MYO3B: variants seen among roughly 807,000 people sequenced by gnomAD.
The protein encoded by MYO3B is myosin IIIB, also known as myosin-IIIb.
Under a neutral mutation model 174.6 loss-of-function variants are expected in MYO3B, and 156 were observed. The ratio of observed to expected loss-of-function variants is 0.89; its 90% confidence interval spans 0.78 to 1.02. The LOEUF (loss-of-function observed/expected upper bound fraction) is 1.02, where lower values mean the gene tolerates loss of function less well. Ranked by LOEUF, MYO3B falls within the 50% of genes least tolerant of loss-of-function variation. MYO3B has a pLI of 0.00. For synonymous variants in MYO3B, 563 were observed against 569.1 expected, an observed-to-expected ratio of 0.99 and a Z score of 0.15; for missense variants, 1,632 against 1,639.4, an observed-to-expected ratio of 1.00 and a Z score of 0.08.
intron 25 of MYO3B, among the ~76,000 whole-genome samples, chr2:170,486,827 C>T (rs1351591748): frequency 6.6e-6 from 1 of 152,188 alleles, no homozygotes; most frequent in African/African-American, 2.4e-5. Context: ...TCATGTCCTT[C>T]ATAACCCTGA....
intron 8 of MYO3B, among the ~76,000 whole-genome samples, chr2:170,345,928 A>G (rs902071313): frequency 6.6e-6 from 1 of 151,980 alleles, no homozygotes; most frequent in African/African-American, 2.4e-5. Flanking sequence ...ATCCTTCCCT[A>G]GTACTTCCAG....
intron 32 of MYO3B, among the ~76,000 whole-genome samples, chr2:170,588,179 C>T (rs902051147): frequency 6.6e-6 from 1 of 152,062 alleles, no homozygotes; most frequent in African/African-American, 2.4e-5. Context: ...CTTCTGTAAT[C>T]CTAGCCCTTT....
intron 33 of MYO3B, among the ~76,000 whole-genome samples, 160 bp from the exon 34 acceptor site, chr2:170,651,948 A>T (rs1249277091): frequency 1.5e-5 from 2 of 136,910 alleles, no homozygotes; most frequent in Admixed American, 1.6e-4. Flanking sequence ...AGCAAGATGC[A>T]TGCTTCATCA....
At chr2:170,213,906 C>A (rs887461318) in intron 3 of MYO3B, among the ~76,000 whole-genome samples, 1 of 152,168 alleles carries the variant, frequency 6.6e-6, no homozygotes, top group Non-Finnish European at 1.5e-5. Flanking sequence ...CTGGAGAAAT[C>A]ACTGAAATTT....
intron 32 of MYO3B, among the ~76,000 whole-genome samples, chr2:170,565,697 C>T (rs1343502506): frequency 1.3e-5 from 2 of 152,078 alleles, no homozygotes; most frequent in Admixed American, 6.5e-5. Flanking sequence ...TTTATATAGT[C>T]AAATTCATTG....
chr2:170,379,449 G>C (rs532635635), intron 9 of MYO3B, among the ~76,000 whole-genome samples: 1 of 152,208 alleles, frequency 6.6e-6, no homozygotes, highest in East Asian at 1.9e-4. Flanking sequence ...CGCCTTGGCC[G>C]CCCAAAGTGC....
At chr2:170,521,714 C>T (rs79627526) in intron 30 of MYO3B, among the ~76,000 whole-genome samples, 1 of 151,932 alleles carries the variant, frequency 6.6e-6, no homozygotes, top group African/African-American at 2.4e-5. Context: ...GCTTATACCT[C>T]CCCCCATACT....
At chr2:170,445,740 C>G (rs2094836758) in intron 23 of MYO3B, among the ~76,000 whole-genome samples, 1 of 152,078 alleles carries the variant, frequency 6.6e-6, no homozygotes, top group Admixed American at 6.5e-5. Flanking sequence ...CTTCAAGGAT[C>G]CTTCCACCTC....
chr2:170,401,812 T>TTTTTTC, intron 18 of MYO3B, 121 bp downstream of exon 18: 1 of 995,552 alleles, frequency 1.0e-6, no homozygotes, highest in Non-Finnish European at 1.4e-6. Context: ...CTTTTTTTTT[T>TTTTTTC]TTTTTGTGGA....
intron 32 of MYO3B, among the ~76,000 whole-genome samples, chr2:170,628,348 G>T (rs564436320): frequency 7.2e-5 from 11 of 152,216 alleles, no homozygotes; most frequent in Admixed American, 2.0e-4. Flanking sequence ...CTCTGAGCCA[G>T]GCGCAGGATA....
At chr2:170,329,152 C>CAAAA (rs57648392) in intron 7 of MYO3B, among the ~76,000 whole-genome samples, 3 of 136,858 alleles carry the variant, frequency 2.2e-5, no homozygotes, top group African/African-American at 7.8e-5. Context: ...ACTCTGTCTC[C>CAAAA]AAAAAAAAAA....
rs530115828 is a variant in MYO3B at position 170,604,762 on chromosome 2, G to T, written c.3734-46866G>T. Among the ~76,000 whole-genome samples the T allele has an allele frequency of 6.6e-5, 10 of 152,240 alleles. No homozygotes were observed. The East Asian group carries it at 1.9e-3, about 29-fold the overall frequency. ...AATGTGGGAAAAGAAAGAAGAGAAG[G>T]TGACCCTTAAGGAACATGGTATTTC... On this transcript the variant is annotated intron_variant, in intron 32 of 34. Transcript: ENST00000408978.
chr2:170,552,755 C>T (rs1357359682), intron 32 of MYO3B, among the ~76,000 whole-genome samples: 2 of 152,142 alleles, frequency 1.3e-5, no homozygotes, highest in African/African-American at 2.4e-5. Flanking sequence ...AAAAAAACTC[C>T]TCCGGGGCAT....
intron 32 of MYO3B, among the ~76,000 whole-genome samples, chr2:170,588,454 G>A (rs1181724545): frequency 6.6e-6 from 1 of 152,030 alleles, no homozygotes. Flanking sequence ...AAGGGAGAGG[G>A]CACACAGTGC....
chr2:170,403,996 A>G (rs911470476), intron 19 of MYO3B, among the ~76,000 whole-genome samples: 1 of 152,200 alleles, frequency 6.6e-6, no homozygotes, highest in African/African-American at 2.4e-5. Context: ...CTAAATGATA[A>G]GTTACCAAGT....
At chr2:170,502,344 A>C (rs561366435) in intron 28 of MYO3B, among the ~76,000 whole-genome samples, 80 of 152,288 alleles carry the variant, frequency 5.3e-4, no homozygotes, top group Admixed American at 1.4e-3. Context: ...GGAATTCTCT[A>C]ATTATATGCA....
chr2:170,401,805 T>TTTTTTC, intron 18 of MYO3B, 114 bp downstream of exon 18: 2 of 919,190 alleles, frequency 2.2e-6, no homozygotes, highest in Non-Finnish European at 3.1e-6. Flanking sequence ...TCTTTTTCTT[T>TTTTTTC]TTTTTTTTTT....
chr2:170,487,650 A>G (rs929197990), intron 25 of MYO3B, among the ~76,000 whole-genome samples: 2 of 152,238 alleles, frequency 1.3e-5, no homozygotes, highest in South Asian at 2.1e-4. Context: ...AAATTTTCAC[A>G]TTGACTTAGG....
At chr2:170,649,614 G>C (rs1466085804) in intron 32 of MYO3B, among the ~76,000 whole-genome samples, 1 of 150,018 alleles carries the variant, frequency 6.7e-6, no homozygotes, top group South Asian at 2.1e-4. Context: ...ATCACTTGAG[G>C]CTAGGAGTTC....
Sources: gnomAD v4.1 joint callset for allele counts (sites outside exome capture counted in the v4.1 genomes callset) on GRCh38, gnomAD v4.1.1 for gene constraint, MANE v1.5 for transcripts, NCBI Gene and HGNC (gene_info 2026-07-23, HGNC 2026-07-21) for gene names.